Variants in MGARP observed in about 807,000 individuals in gnomAD.
The protein encoded by MGARP is protein MGARP.
A neutral mutation model predicts 11.0 loss-of-function variants in MGARP; 12 were observed. That is an observed-to-expected ratio of 1.09 (90% CI 0.70 to 1.77). The LOEUF (loss-of-function observed/expected upper bound fraction) is 1.77, where lower values mean the gene tolerates loss of function less well. Among genes scored for constraint, MGARP ranks in the 40% most tolerant of loss-of-function variants. The probability of loss-of-function intolerance (pLI) is 0.00; values close to 1 mark genes in which losing one functional copy is unlikely to be tolerated. For synonymous variants in MGARP, 110 were observed against 115.4 expected (o/e 0.95, Z 0.30); for missense variants, 283 against 297.8 (o/e 0.95, Z 0.36).
chr4:139,267,135 C>T (rs768688659), intron 3 of MGARP, 94 bp from the exon 4 acceptor site: 1 of 1,174,904 alleles, frequency 8.5e-7, no homozygotes, highest in Non-Finnish European at 1.2e-6. Context: ...GACAGAACTA[C>T]ATGCACTGAT....
intron 2 of MGARP, 64 bp downstream of exon 2, chr4:139,275,225 T>G: frequency 8.8e-5 from 120 of 1,362,310 alleles, no homozygotes; most frequent in Non-Finnish European, 1.2e-4. Flanking sequence ...GACGTTGCTT[T>G]GAGCTTTACC....
At chr4:139,273,371 C>T (rs527520340) in intron 2 of MGARP, among the ~76,000 whole-genome samples, 118 of 152,118 alleles carry the variant, frequency 7.8e-4, no homozygotes, top group Middle Eastern at 3.4e-3. Context: ...AGGCACACAC[C>T]ACCACGCTGG....
In MGARP at chr4:139,266,795, GT is replaced by G. The variant is rs764718464; in HGVS notation, c.526del (p.Thr176ProfsTer33). On this transcript the variant is annotated frameshift_variant, in exon 4 of 4. Coordinates refer to ENST00000398955, the MANE Select transcript of MGARP (RefSeq NM_032623.4). LOFTEE classifies it low-confidence loss of function (END_TRUNC). ...RETTEVNPET[T>X]PEVTNAALDE... The stretch of plus-strand genomic sequence containing the variant: ...CAGGGCAGCATTTGTAACCTCTGGG[GT>G]TGTTTCAGGGTTTACTTCCGTGGTT... The G allele has an allele frequency of 2.4e-5, 38 of 1,614,192 alleles. No homozygotes were observed. In the East Asian group the frequency reaches 5.3e-4, roughly 23 times the overall value.
At position 139,266,973 on chromosome 4, in the gene MGARP, C is replaced by A; in HGVS notation, c.349G>T (p.Ala117Ser). 3 of 1,614,230 alleles carry A rather than the reference C, an allele frequency of 1.9e-6. No individual in the cohort carries two copies. Among genetic ancestry groups the A allele is most frequent in the Non-Finnish European group, 2.5e-6 (3 of 1,180,028 alleles). The change falls in exon 4 of 4, where the codon GCT becomes TCT. Residue 117 changes from alanine to serine, a missense_variant. Ala to Ser is a moderately conservative substitution (Grantham distance 99). Coordinates refer to ENST00000398955, the MANE Select transcript of MGARP (RefSeq NM_032623.4). ...CTTTCTTCAGCATCTACCACCTCAG[C>A]TTCCACTATAAGTTCTTCTGGGGCT... ...SEAPEELIVE[A>S]EVVDAEESPS...
intron 2 of MGARP, among the ~76,000 whole-genome samples, chr4:139,271,776 T>G (rs1744785284): frequency 6.6e-6 from 1 of 152,196 alleles, no homozygotes; most frequent in South Asian, 2.1e-4. Context: ...AATTAAGGCT[T>G]CCAACATTTG....
At chr4:139,279,527 T>G (rs1744922926) in intron 1 of MGARP, among the ~76,000 whole-genome samples, 1 of 152,106 alleles carries the variant, frequency 6.6e-6, no homozygotes, top group South Asian at 2.1e-4. Flanking sequence ...GCTGAGACCC[T>G]GCCAAGGGTT....
Position 139,266,403 on chromosome 4 carries a change from A to G in MGARP, c.*196T>C, listed in dbSNP as rs904187330. 3.6e-5 allele frequency: 21 copies of G among 583,640 alleles called. No homozygotes were observed. The African/African-American group carries it at 3.7e-4, about 10-fold the overall frequency. The allele number at this position is 583,640 out of a possible 1,614,324, so 36.2% of individuals were successfully genotyped here. ...ATGTCATATTCTGATCTCAGACAGT[A>G]GAAGAGTAGTAAGAAATGTACAATC... On this transcript the variant is annotated 3_prime_UTR_variant, in exon 4 of 4. Transcript: ENST00000398955.
intron 1 of MGARP, among the ~76,000 whole-genome samples, chr4:139,275,858 A>G (rs1303011786): frequency 2.0e-5 from 3 of 152,250 alleles, no homozygotes; most frequent in Admixed American, 2.0e-4. Context: ...GAAATCCATC[A>G]TATTTCTATA....
intron 1 of MGARP, among the ~76,000 whole-genome samples, chr4:139,278,086 G>T (rs1007401651): frequency 6.6e-6 from 1 of 152,078 alleles, no homozygotes; most frequent in Non-Finnish European, 1.5e-5. Flanking sequence ...AATTAGCTGG[G>T]TGTGGTGGCC....
chr4:139,273,130 T>G (rs1744812340), intron 2 of MGARP, among the ~76,000 whole-genome samples: 1 of 152,186 alleles, frequency 6.6e-6, no homozygotes, highest in Non-Finnish European at 1.5e-5. Context: ...GGTCTCAAAC[T>G]CCTGCAAGCA....
chr4:139,280,091 G>C lies in MGARP; in HGVS notation c.68C>G (p.Pro23Arg), dbSNP rs1179085987. Residue 23 changes from proline to arginine, a missense_variant, in exon 1 of 4, where the codon CCG becomes CGG. Transcript: ENST00000398955. ...TCCTTACTCACCGTCCTTTCCGAGCGGCGCGGGGTTGGGGGGCGCCCTCAG... is the reference window on the plus strand; with the variant it reads ...TCCTTACTCACCGTCCTTTCCGAGCCGCGCGGGGTTGGGGGGCGCCCTCAG... ...LPLRAPPNPAPLGKDASLRRM... is the reference protein window; with the variant it reads ...LPLRAPPNPARLGKDASLRRM... 3 of 1,612,198 alleles carry C rather than the reference G, an allele frequency of 1.9e-6. No homozygotes were observed. The highest frequency in any genetic ancestry group is 2.5e-6 in the Non-Finnish European group (3 of 1,179,732).
At chr4:139,275,008 C>A (rs964193465) in intron 2 of MGARP, among the ~76,000 whole-genome samples, 2 of 152,014 alleles carry the variant, frequency 1.3e-5, no homozygotes, top group African/African-American at 4.8e-5. Context: ...ATACAAAAAT[C>A]TTCATAATTT....
rs1384956475 is a variant in MGARP at position 139,275,270 on chromosome 4, T to C, written c.186+19A>G. The stretch of plus-strand genomic sequence containing the variant: ...AAAATACATGAATTCTTGAGCACTG[T>C]GGTTATATAATCACTTACATAATAT... On this transcript the variant is annotated intron_variant, in intron 2 of 3. Coordinates refer to ENST00000398955, the MANE Select transcript of MGARP (RefSeq NM_032623.4). 6.3e-7 allele frequency: 1 copy of C among 1,583,754 alleles called. No individual in the cohort carries two copies. The highest frequency in any genetic ancestry group is 8.7e-7 in the Non-Finnish European group (1 of 1,153,824).
chr4:139,278,583 C>CGT (rs150505211), intron 1 of MGARP, among the ~76,000 whole-genome samples: 16 of 150,892 alleles, frequency 1.1e-4, no homozygotes, highest in South Asian at 2.1e-4. Flanking sequence ...AAAAGGTGCG[C>CGT]GTGTGTGTGT....
chr4:139,275,238 G>A, intron 2 of MGARP, 51 bp downstream of exon 2: 1 of 1,459,496 alleles, frequency 6.9e-7, no homozygotes, highest in Admixed American at 1.8e-5. Context: ...GCTTTACCAT[G>A]AGTTGTAAAA....
chr4:139,268,873 C>A (rs1744735640), intron 2 of MGARP, 108 bp from the exon 3 acceptor site: 1 of 745,744 alleles, frequency 1.3e-6, no homozygotes. Flanking sequence ...AAGTTTAAAC[C>A]ATAATCCCAG....
At chr4:139,270,607 T>C (rs1744764984) in intron 2 of MGARP, among the ~76,000 whole-genome samples, 1 of 66,898 alleles carries the variant, frequency 1.5e-5, no homozygotes, top group Non-Finnish European at 2.8e-5. Context: ...AGACCGCGTC[T>C]GAAAAAAAAA....
At chr4:139,270,971 A>G (rs1744771767) in intron 2 of MGARP, among the ~76,000 whole-genome samples, 1 of 152,174 alleles carries the variant, frequency 6.6e-6, no homozygotes, top group Admixed American at 6.5e-5. Flanking sequence ...GCTAAAACAC[A>G]AGGCAAGAAA....
intron 3 of MGARP, among the ~76,000 whole-genome samples, chr4:139,268,094 T>A (rs949626393): frequency 3.4e-5 from 5 of 145,204 alleles, no homozygotes; most frequent in Admixed American, 2.1e-4. Flanking sequence ...TCCAGCCTGG[T>A]TGACAGAGGG....
Sources: allele counts gnomAD v4.1 joint callset (sites outside exome capture counted in the v4.1 genomes callset), GRCh38; gene constraint gnomAD v4.1.1; transcripts MANE v1.5; gene names NCBI Gene and HGNC (gene_info 2026-07-23, HGNC 2026-07-21).